KCNS3: variants seen among roughly 807,000 people sequenced by gnomAD.
KCNS3 encodes delayed-rectifier potassium channel regulatory subunit KCNS3.
In KCNS3, 13 loss-of-function variants were observed where a neutral mutation model predicts 31.0. The ratio of observed to expected loss-of-function variants is 0.42; its 90% CI spans 0.27 to 0.67. KCNS3 has a LOEUF of 0.67. Among genes scored for constraint, KCNS3 ranks in the 30% least tolerant of loss-of-function variants. KCNS3 has a pLI of 0.25. For missense variants in KCNS3, 545 were observed against 622.4 expected (o/e 0.88, Z 1.32); for synonymous variants, 238 against 241.5 (o/e 0.99, Z 0.13).
At chr2:17,910,417 A>G (rs1662444196) in intron 1 of KCNS3, among the ~76,000 whole-genome samples, 1 of 152,196 alleles carries the variant, frequency 6.6e-6, no homozygotes, top group Non-Finnish European at 1.5e-5. Flanking sequence ...TTTTCTGTCT[A>G]AATTCAAGGA....
At chr2:17,898,892 C>T (rs1662094615) in intron 1 of KCNS3, among the ~76,000 whole-genome samples, 1 of 152,146 alleles carries the variant, frequency 6.6e-6, no homozygotes, top group African/African-American at 2.4e-5. Context: ...AATTCCAGTT[C>T]TTTCTCAGAT....
At chr2:17,893,537 G>T (rs987768931) in intron 1 of KCNS3, among the ~76,000 whole-genome samples, 1 of 152,170 alleles carries the variant, frequency 6.6e-6, no homozygotes, top group African/African-American at 2.4e-5. Flanking sequence ...CCTCATGATG[G>T]ATCCCCGTGG....
chr2:17,910,229 A>T (rs1013198906), intron 1 of KCNS3, among the ~76,000 whole-genome samples: 47 of 152,358 alleles, frequency 3.1e-4, no homozygotes, highest in Non-Finnish European at 5.9e-5. Context: ...AGTAATAATG[A>T]GTATAAATGA....
chr2:17,920,496 G>A (rs1476779219), intron 2 of KCNS3, among the ~76,000 whole-genome samples: 4 of 152,192 alleles, frequency 2.6e-5, no homozygotes, highest in Non-Finnish European at 5.9e-5. Context: ...GCTTTACAGG[G>A]TGCCAGTTGG....
chr2:17,893,540 C>G (rs1005497795), intron 1 of KCNS3, among the ~76,000 whole-genome samples: 11 of 152,186 alleles, frequency 7.2e-5, no homozygotes, highest in African/African-American at 2.7e-4. Context: ...CATGATGGAT[C>G]CCCGTGGTGC....
At position 17,932,181 on chromosome 2, in the gene KCNS3, C is replaced by A. The variant is rs754119495; in HGVS notation, c.1173C>A (p.Ile391=). 1.1e-5 allele frequency: 17 copies of A among 1,613,900 alleles called. No individual in the cohort carries two copies. The highest frequency in any genetic ancestry group is 1.4e-5 in the Non-Finnish European group (16 of 1,179,922). ...LAGKLIASTC[I]ICGILVVALP... ...GAAAGCTCATCGCCAGCACATGCATCATCTGTGGCATCTTGGTGGTGGCCC... is the reference window on the plus strand; with the variant it reads ...GAAAGCTCATCGCCAGCACATGCATAATCTGTGGCATCTTGGTGGTGGCCC... The change falls in exon 3 of 3, where the codon ATC becomes ATA. Residue 391 remains isoleucine (I), a synonymous_variant. Coordinates refer to ENST00000304101, the MANE Select transcript of KCNS3 (RefSeq NM_002252.5).
intron 1 of KCNS3, among the ~76,000 whole-genome samples, chr2:17,902,073 G>A (rs1477844657): frequency 6.6e-6 from 1 of 152,178 alleles, no homozygotes; most frequent in Non-Finnish European, 1.5e-5. Flanking sequence ...CTAAACATGA[G>A]TAGTCAGACA....
At chr2:17,920,872 C>A (rs967637902) in intron 2 of KCNS3, among the ~76,000 whole-genome samples, 2 of 152,172 alleles carry the variant, frequency 1.3e-5, no homozygotes, top group African/African-American at 4.8e-5. Context: ...CCAGTCTCTA[C>A]CTCCTCCCAC....
At chr2:17,930,901 G>C in intron 2 of KCNS3, 49 bp from the exon 3 acceptor site, 1 of 1,304,536 alleles carries the variant, frequency 7.7e-7, no homozygotes, top group Non-Finnish European at 1.1e-6. Context: ...AATAAGCTTG[G>C]CTGGGCACGG....
intron 1 of KCNS3, among the ~76,000 whole-genome samples, chr2:17,891,962 A>G (rs1661865921): frequency 1.3e-5 from 2 of 152,130 alleles, no homozygotes; most frequent in Middle Eastern, 3.4e-3. Context: ...TTGGATTTGG[A>G]TGTCTAGGTC....
intron 1 of KCNS3, among the ~76,000 whole-genome samples, chr2:17,905,446 C>A (rs1254649510): frequency 1.4e-5 from 2 of 144,492 alleles, no homozygotes; most frequent in South Asian, 4.3e-4. Flanking sequence ...ATTGAATACC[C>A]TTTATTTCTT....
chr2:17,886,844 A>G (rs1247709767), intron 1 of KCNS3, among the ~76,000 whole-genome samples: 1 of 150,602 alleles, frequency 6.6e-6, no homozygotes, highest in Non-Finnish European at 1.5e-5. Flanking sequence ...ATGCCCTCTC[A>G]TCTTCTCCTT....
chr2:17,887,565 C>T (rs1406122734), intron 1 of KCNS3, among the ~76,000 whole-genome samples: 1 of 149,186 alleles, frequency 6.7e-6, no homozygotes, highest in Non-Finnish European at 1.5e-5. Flanking sequence ...GTTTCTTTAT[C>T]CACTCATTGA....
At chr2:17,886,677 C>T (rs1661661146) in intron 1 of KCNS3, among the ~76,000 whole-genome samples, 1 of 137,836 alleles carries the variant, frequency 7.3e-6, no homozygotes, top group Non-Finnish European at 1.6e-5. Flanking sequence ...CCCATCCATC[C>T]GTCCGTCCAT....
intron 1 of KCNS3, among the ~76,000 whole-genome samples, chr2:17,905,389 A>G (rs1350583455): frequency 7.7e-4 from 112 of 144,558 alleles, no homozygotes; most frequent in African/African-American, 1.6e-3. Context: ...CTAAATATAC[A>G]ATCATGTCAT....
chr2:17,921,915 G>GCATA (rs1553345243), intron 2 of KCNS3, among the ~76,000 whole-genome samples: 53 of 32,812 alleles, frequency 1.6e-3, no homozygotes, highest in African/African-American at 6.2e-3. Context: ...GTGTGTGTGT[G>GCATA]TATATATATA....
chr2:17,932,175 A>G lies in KCNS3; in HGVS notation c.1167A>G (p.Thr389=), dbSNP rs1036787836. 12 of 1,613,626 alleles carry G rather than the reference A, an allele frequency of 7.4e-6. No homozygotes were observed. The highest frequency in any genetic ancestry group is 2.2e-5 in the East Asian group (1 of 44,874). Residue 389 remains threonine, a synonymous_variant, in exon 3 of 3, where the codon ACA becomes ACG. Coordinates refer to ENST00000304101, the MANE Select transcript of KCNS3 (RefSeq NM_002252.5). ...TGGCGGGAAAGCTCATCGCCAGCAC[A>G]TGCATCATCTGTGGCATCTTGGTGG... ...VTLAGKLIAS[T]CIICGILVVA...
intron 1 of KCNS3, among the ~76,000 whole-genome samples, chr2:17,880,106 T>G (rs1156300264): frequency 6.6e-6 from 1 of 152,250 alleles, no homozygotes; most frequent in Non-Finnish European, 1.5e-5. Flanking sequence ...GTTGCCCCCC[T>G]TCTTAGACTA....
Position 17,932,151 on chromosome 2 carries a change from G to T in KCNS3, c.1143G>T (p.Leu381Phe), listed in dbSNP as rs776245657. 6.2e-7 allele frequency: 1 copy of T among 1,614,004 alleles called. No individual in the cohort carries two copies. Among genetic ancestry groups the T allele is most frequent in the African/African-American group, 1.3e-5 (1 of 74,974 alleles). ...ATGGAGACACCCACCCGGTCACCTT[G>T]GCGGGAAAGCTCATCGCCAGCACAT... ...VGYGDTHPVT[L>F]AGKLIASTCI... Residue 381 changes from leucine to phenylalanine, a missense_variant, in exon 3 of 3, where the codon TTG becomes TTT. Physicochemically the swap from Leu to Phe is conservative, Grantham distance 22. Coordinates refer to ENST00000304101, the MANE Select transcript of KCNS3 (RefSeq NM_002252.5).
Sources: allele counts gnomAD v4.1 joint callset (sites outside exome capture counted in the v4.1 genomes callset), GRCh38; gene constraint gnomAD v4.1.1; transcripts MANE v1.5; gene names NCBI Gene and HGNC (gene_info 2026-07-23, HGNC 2026-07-21).